CA5A: variants seen among roughly 807,000 people sequenced by gnomAD.
The protein encoded by CA5A is carbonic anhydrase 5A.
Under a neutral mutation model 37.1 loss-of-function variants are expected in CA5A, and 28 were observed. The ratio of observed to expected loss-of-function variants is 0.75; its 90% confidence interval spans 0.56 to 1.03. CA5A has a LOEUF of 1.03. CA5A is among the 50% of genes least tolerant of loss of function. The pLI, the probability that CA5A is intolerant of heterozygous loss-of-function variation, is 0.00. For synonymous variants in CA5A, 171 were observed against 158.4 expected, an observed-to-expected ratio of 1.08 and a Z score of -0.60; for missense variants, 444 against 399.9, an observed-to-expected ratio of 1.11 and a Z score of -0.94.
At chr16:87,889,821 C>T (rs1233364089) in intron 6 of CA5A, among the ~76,000 whole-genome samples, 1 of 152,204 alleles carries the variant, frequency 6.6e-6, no homozygotes, top group Non-Finnish European at 1.5e-5. Context: ...TATGTATTAT[C>T]TCACTTGTTC....
intron 1 of CA5A, among the ~76,000 whole-genome samples, chr16:87,935,136 C>T (rs140149435): frequency 1.6e-3 from 242 of 152,370 alleles, no homozygotes; most frequent in African/African-American, 5.6e-3. Context: ...GGACTGCATG[C>T]CTGGGGTCTG....
At chr16:87,926,631 A>G (rs533488132) in intron 2 of CA5A, 117 bp downstream of exon 2, 7 of 796,534 alleles carry the variant, frequency 8.8e-6, no homozygotes, top group African/African-American at 8.5e-5. Context: ...TCCCTGCCCC[A>G]GCAGCACAAG....
At chr16:87,906,276 C>T (rs774511849) in intron 2 of CA5A, among the ~76,000 whole-genome samples, 20 of 151,578 alleles carry the variant, frequency 1.3e-4, no homozygotes, top group Non-Finnish European at 1.3e-4. Flanking sequence ...AAGCACTGAG[C>T]GCGTGATGAA....
At chr16:87,895,416 A>G (rs941202518) in intron 5 of CA5A, among the ~76,000 whole-genome samples, 2 of 152,156 alleles carry the variant, frequency 1.3e-5, no homozygotes, top group Non-Finnish European at 2.9e-5. Context: ...GTGGTGGCGC[A>G]TGCCTGTAAT....
At chr16:87,887,482 T>C (rs984419510), downstream of CA5A, 4 of 152,476 alleles carry the variant, frequency 2.6e-5, no homozygotes, top group African/African-American at 9.7e-5. Context: ...TAGTGTGATC[T>C]TGGCTCACTG....
At chr16:87,918,802 C>T (rs1015599679) in intron 2 of CA5A, among the ~76,000 whole-genome samples, 5 of 152,202 alleles carry the variant, frequency 3.3e-5, no homozygotes, top group African/African-American at 7.2e-5. Flanking sequence ...CTCATTCCCT[C>T]CATCCCCAGC....
At chr16:87,918,646 G>A (rs1005561433) in intron 2 of CA5A, among the ~76,000 whole-genome samples, 2 of 152,228 alleles carry the variant, frequency 1.3e-5, no homozygotes, top group Non-Finnish European at 2.9e-5. Context: ...TCCGTGTGCA[G>A]TTCTCTGCAC....
chr16:87,929,234 C>T (rs1274965894), intron 1 of CA5A, among the ~76,000 whole-genome samples: 2 of 148,868 alleles, frequency 1.3e-5, no homozygotes, highest in African/African-American at 4.9e-5. Flanking sequence ...GGTGGATCAC[C>T]TGAGGTCAGG....
intron 6 of CA5A, among the ~76,000 whole-genome samples, chr16:87,890,395 A>G (rs1167619995): frequency 6.6e-6 from 1 of 152,066 alleles, no homozygotes; most frequent in Non-Finnish European, 1.5e-5. Flanking sequence ...GAATATTTTC[A>G]CAGGCCCGGG....
chr16:87,914,541 G>A (rs2056102957), intron 2 of CA5A, among the ~76,000 whole-genome samples: 2 of 152,178 alleles, frequency 1.3e-5, no homozygotes, highest in African/African-American at 4.8e-5. Flanking sequence ...AGGAGGCACA[G>A]AGCCGTCTGA....
intron 5 of CA5A, chr16:87,893,727 C>A (rs1477806212): frequency 4.1e-6 from 2 of 493,762 alleles, no homozygotes; most frequent in African/African-American, 3.9e-5. Flanking sequence ...ACATGGCCAG[C>A]TACCTCAGTA....
intron 1 of CA5A, among the ~76,000 whole-genome samples, chr16:87,933,511 G>C (rs2056434211): frequency 6.6e-6 from 1 of 152,128 alleles, no homozygotes; most frequent in African/African-American, 2.4e-5. Flanking sequence ...AAGTAGCTGG[G>C]ATGATAGGTG....
intron 4 of CA5A, 96 bp downstream of exon 4, chr16:87,902,327 CTG>C (rs2055890207): frequency 1.3e-6 from 1 of 746,638 alleles, no homozygotes; most frequent in Non-Finnish European, 2.3e-6. Context: ...GCACTCCAGC[CTG>C]TGTGACACAG....
At chr16:87,932,559 T>G (rs2056422108) in intron 1 of CA5A, among the ~76,000 whole-genome samples, 1 of 152,216 alleles carries the variant, frequency 6.6e-6, no homozygotes, top group African/African-American at 2.4e-5. Flanking sequence ...ACGTAGGTTC[T>G]GTGCTAATTC....
intron 6 of CA5A, among the ~76,000 whole-genome samples, chr16:87,888,557 C>T (rs7198286): frequency 0.17 from 26,356 of 152,030 alleles, 2,444 homozygotes; most frequent in South Asian, 0.26. Flanking sequence ...GGAACTGAGG[C>T]TCCCAGCGAA....
At chr16:87,898,729 A>ATTTTTTT (rs59375883) in intron 5 of CA5A, among the ~76,000 whole-genome samples, 1 of 115,056 alleles carries the variant, frequency 8.7e-6, no homozygotes, top group African/African-American at 3.5e-5. Context: ...TCTAGTGTGG[A>ATTTTTTT]TTTTTTTTTT....
chr16:87,908,403 T>A (rs1475419753), intron 2 of CA5A, among the ~76,000 whole-genome samples: 1 of 152,294 alleles, frequency 6.6e-6, no homozygotes, highest in East Asian at 1.9e-4. Context: ...CGCACACCCT[T>A]CAGGGGCTCC....
At chr16:87,933,847 A>T (rs2079442161) in intron 1 of CA5A, among the ~76,000 whole-genome samples, 2 of 152,252 alleles carry the variant, frequency 1.3e-5, no homozygotes, top group Non-Finnish European at 1.5e-5. Flanking sequence ...TGAATTCCTT[A>T]TGATGTTCCA....
chr16:87,883,385 A>G (rs1450355404), downstream of CA5A: 1 of 147,184 alleles, frequency 6.8e-6, no homozygotes, highest in East Asian at 2.0e-4. Flanking sequence ...GCTGGAGTAC[A>G]GTGGCACGAT....
Sources: gnomAD v4.1 joint callset for allele counts (sites outside exome capture counted in the v4.1 genomes callset) on GRCh38, gnomAD v4.1.1 for gene constraint, MANE v1.5 for transcripts, NCBI Gene and HGNC (gene_info 2026-07-23, HGNC 2026-07-21) for gene names.